KCNAB1: variants seen among roughly 807,000 people sequenced by gnomAD.
KCNAB1 encodes the protein voltage-gated potassium channel subunit beta-1.
Under a neutral mutation model 64.6 loss-of-function variants are expected in KCNAB1, and 35 were observed. The observed-to-expected ratio is 0.54, with a 90% CI of 0.41 to 0.72. KCNAB1 has a LOEUF of 0.72. KCNAB1 is among the 30% of genes least tolerant of loss of function. The pLI is 0.00. For missense variants in KCNAB1, 401 were observed against 512.9 expected, an observed-to-expected ratio of 0.78 and a Z score of 2.11; for synonymous variants, 177 against 183.8, an observed-to-expected ratio of 0.96 and a Z score of 0.30.
At chr3:156,208,164 A>C (rs1714779606) in intron 1 of KCNAB1, among the ~76,000 whole-genome samples, 1 of 152,106 alleles carries the variant, frequency 6.6e-6, no homozygotes, top group South Asian at 2.1e-4. Flanking sequence ...ACTGGGACCA[A>C]AGTTTGGGAA....
At chr3:156,522,856 AAGAG>A (rs1718048590) in intron 11 of KCNAB1, among the ~76,000 whole-genome samples, 1 of 152,214 alleles carries the variant, frequency 6.6e-6, no homozygotes, top group East Asian at 1.9e-4. Flanking sequence ...AATTACACGC[AAGAG>A]AGAAAGTCCA....
intron 11 of KCNAB1, among the ~76,000 whole-genome samples, chr3:156,522,854 G>T (rs190710980): frequency 6.6e-6 from 1 of 152,182 alleles, no homozygotes; most frequent in Non-Finnish European, 1.5e-5. Flanking sequence ...ACAATTACAC[G>T]CAAGAGAGAA....
At position 156,312,703 on chromosome 3, in the gene KCNAB1, C is replaced by CAAAAAAAAAAA. The variant is rs397991453; in HGVS notation, c.276-108895_276-108885dup. ...CTAGGTGACAGAGTGAGACTGTCTC[C>CAAAAAAAAAAA]AAAAAAAAAAAAAAAAAAAAAAAAA... On this transcript the variant is annotated intron_variant, in intron 1 of 13. Transcript: ENST00000490337. Among the ~76,000 whole-genome samples the CAAAAAAAAAAA allele has an allele frequency of 7.9e-3, 216 of 27,420 alleles. 32 individuals are homozygous for CAAAAAAAAAAA. The highest frequency in any genetic ancestry group is 0.011 in the Non-Finnish European group (150 of 14,074). 18.0% of individuals were successfully genotyped at this position (27,420 alleles called of 152,430 possible).
rs72558050 is a variant in KCNAB1 at position 156,291,796 on chromosome 3, G to C, written c.276-129820G>C. On this transcript the variant is annotated intron_variant, in intron 1 of 13. Transcript: ENST00000490337. ...CTCCTCTGACGGCATCCCCAGGAAG[G>C]GGGAGCAAGGAGGGCTTAAAAGAAA... is the stretch of plus-strand genomic sequence containing the variant. The C allele has an allele frequency of 6.3e-3, 9,741 of 1,544,602 alleles. 569 individuals carry two copies. In the African/African-American group the frequency reaches 0.12, roughly 19 times the overall value.
chr3:156,244,262 CCTT>C (rs1717331502), intron 1 of KCNAB1, among the ~76,000 whole-genome samples: 1 of 152,100 alleles, frequency 6.6e-6, no homozygotes, highest in Non-Finnish European at 1.5e-5. Flanking sequence ...TGGTCTGGCT[CCTT>C]CTTTTATCTT....
At chr3:156,320,391 T>C (rs1560193958) in intron 1 of KCNAB1, among the ~76,000 whole-genome samples, 1 of 152,204 alleles carries the variant, frequency 6.6e-6, no homozygotes, top group African/African-American at 2.4e-5. Context: ...GTGCAAGCAA[T>C]TGATATGAGC....
At chr3:156,383,561 T>C (rs1418825975) in intron 1 of KCNAB1, among the ~76,000 whole-genome samples, 2 of 152,156 alleles carry the variant, frequency 1.3e-5, no homozygotes, top group African/African-American at 2.4e-5. Flanking sequence ...ACTGGGACAG[T>C]TGGTCACCCT....
At chr3:156,300,894 T>C (rs1368817391) in intron 1 of KCNAB1, among the ~76,000 whole-genome samples, 1 of 152,238 alleles carries the variant, frequency 6.6e-6, no homozygotes, top group Non-Finnish European at 1.5e-5. Context: ...TAATTTGCTT[T>C]TTGATATATT....
chr3:156,151,765 A>T (rs564360467), intron 1 of KCNAB1, among the ~76,000 whole-genome samples: 1 of 152,202 alleles, frequency 6.6e-6, no homozygotes, highest in East Asian at 1.9e-4. Context: ...TAAAATTTAC[A>T]TAAATATGAT....
rs532990830 is a variant in KCNAB1, at chr3:156,180,598, T to C, written c.275+59712T>C. On this transcript the variant is annotated intron_variant, in intron 1 of 13. Transcript: ENST00000490337. ...TTTTTTACAGTAATATTTAAGTGAA[T>C]TATTCTGCAATAAATTTTTTTAATA... Among the ~76,000 whole-genome samples, 8 of 152,344 alleles carry C rather than the reference T, an allele frequency of 5.3e-5. No homozygotes were observed. In the South Asian group the frequency reaches 1.5e-3, roughly 28 times the overall value.
intron 1 of KCNAB1, among the ~76,000 whole-genome samples, chr3:156,396,917 G>T (rs906729808): frequency 6.6e-6 from 1 of 152,126 alleles, no homozygotes; most frequent in East Asian, 1.9e-4. Flanking sequence ...ATTAGGACAG[G>T]CGATGTAATG....
At chr3:156,199,169 G>A (rs1006838975) in intron 1 of KCNAB1, among the ~76,000 whole-genome samples, 1 of 152,124 alleles carries the variant, frequency 6.6e-6, no homozygotes, top group Non-Finnish European at 1.5e-5. Context: ...GAGTTGTAGA[G>A]CTTCTGCAGA....
intron 1 of KCNAB1, among the ~76,000 whole-genome samples, chr3:156,370,635 A>C (rs907539625): frequency 1.3e-5 from 2 of 152,252 alleles, no homozygotes; most frequent in African/African-American, 4.8e-5. Flanking sequence ...ATACAAAAGA[A>C]GTCAAAGGGT....
At chr3:156,164,497 A>T (rs1716256805) in intron 1 of KCNAB1, among the ~76,000 whole-genome samples, 1 of 152,160 alleles carries the variant, frequency 6.6e-6, no homozygotes, top group Non-Finnish European at 1.5e-5. Context: ...GGGAGAGACC[A>T]TGTTCTTACT....
chr3:156,275,725 G>C (rs1719300240), intron 1 of KCNAB1, among the ~76,000 whole-genome samples: 1 of 152,148 alleles, frequency 6.6e-6, no homozygotes, highest in African/African-American at 2.4e-5. Context: ...CTCCTTATCT[G>C]TTCATGTCTG....
intron 1 of KCNAB1, among the ~76,000 whole-genome samples, chr3:156,231,299 A>G (rs1716506391): frequency 6.6e-6 from 1 of 152,098 alleles, no homozygotes; most frequent in Non-Finnish European, 1.5e-5. Flanking sequence ...TTCTCATCAG[A>G]TGGGTTTTAT....
At chr3:156,425,161 C>T (rs1715729365) in intron 2 of KCNAB1, among the ~76,000 whole-genome samples, 1 of 152,214 alleles carries the variant, frequency 6.6e-6, no homozygotes. Context: ...TCAGTCACGA[C>T]CTACGTTCAA....
intron 1 of KCNAB1, among the ~76,000 whole-genome samples, chr3:156,323,979 G>A (rs906772151): frequency 3.3e-5 from 5 of 152,004 alleles, no homozygotes; most frequent in Non-Finnish European, 7.4e-5. Context: ...CTTCAGTTAT[G>A]CATTGTTACT....
chr3:156,323,771 A>G (rs565642413), intron 1 of KCNAB1, among the ~76,000 whole-genome samples: 1 of 152,160 alleles, frequency 6.6e-6, no homozygotes, highest in Non-Finnish European at 1.5e-5. Context: ...CTTGGTCCCA[A>G]ACAATCTTTC....
Sources: allele counts gnomAD v4.1 joint callset (sites outside exome capture counted in the v4.1 genomes callset), GRCh38; gene constraint gnomAD v4.1.1; transcripts MANE v1.5; gene names NCBI Gene and HGNC (gene_info 2026-07-23, HGNC 2026-07-21).